The following SNX29 variants were observed in gnomAD, a reference collection of about 807,000 sequenced individuals.
SNX29 encodes sorting nexin 29.
SNX29 carries 78 observed loss-of-function variants against 102.1 expected under a neutral mutation model. The observed-to-expected ratio is 0.76, with a 90% CI of 0.64 to 0.92. The LOEUF (loss-of-function observed/expected upper bound fraction) is 0.92. SNX29 is among the 40% of genes least tolerant of loss of function. The pLI is 0.00. For missense variants in SNX29, 1,280 were observed against 1,061.7 expected (o/e 1.21, Z -2.86); for synonymous variants, 580 against 414.5 (o/e 1.40, Z -4.85).
At chr16:12,159,034 T>G (rs1449702836) in intron 13 of SNX29, among the ~76,000 whole-genome samples, 1 of 152,236 alleles carries the variant, frequency 6.6e-6, no homozygotes, top group Non-Finnish European at 1.5e-5. Flanking sequence ...CTTCTGGAAT[T>G]AATATGGTGT....
intron 10 of SNX29, among the ~76,000 whole-genome samples, chr16:12,070,632 A>G (rs1392242865): frequency 6.6e-6 from 1 of 151,708 alleles, no homozygotes; most frequent in East Asian, 1.9e-4. Context: ...GTGCCACAAT[A>G]AACATATGTG....
rs114401562 is a variant in SNX29, at chr16:12,531,256, T to C, written c.2318+6415T>C. Among the ~76,000 whole-genome samples the C allele has an allele frequency of 9.3e-3, 1,415 of 152,318 alleles. 16 individuals carry two copies. Among genetic ancestry groups the C allele is most frequent in the African/African-American group, 0.032 (1,325 of 41,584 alleles). ...CTGGAGAACAGGGCACTTGGCCCTA[T>C]GGTCAGGGCGCACTGGGACCTGGGG... On this transcript the variant is annotated intron_variant, in intron 20 of 20. Coordinates refer to ENST00000566228, the MANE Select transcript of SNX29 (RefSeq NM_032167.5).
chr16:12,109,053 G>C (rs1202825210), intron 11 of SNX29, among the ~76,000 whole-genome samples: 1 of 147,940 alleles, frequency 6.8e-6, no homozygotes, highest in East Asian at 2.0e-4. Flanking sequence ...ACTTGAACCT[G>C]GGGAGCAGAG....
At position 12,098,186 on chromosome 16, in the gene SNX29, A is replaced by C. The variant is rs1238378791; in HGVS notation, c.1402+19271A>C. 2.0e-5 allele frequency among the ~76,000 whole-genome samples: 3 copies of C among 151,702 alleles called. No individual in the cohort carries two copies. The highest frequency in any genetic ancestry group is 2.9e-5 in the Non-Finnish European group (2 of 67,922). Reference sequence around the variant, plus strand: ...AACCCTTCCCCTGCCCCCTCCTTCAACTCCTTTTCCTCCTCCTCTTCTCCC... The same window carrying C: ...AACCCTTCCCCTGCCCCCTCCTTCACCTCCTTTTCCTCCTCCTCTTCTCCC... On this transcript the variant is annotated intron_variant, in intron 11 of 20. Coordinates refer to ENST00000566228, the MANE Select transcript of SNX29 (RefSeq NM_032167.5). The surrounding 1 kb of genome is among the most constrained non-coding windows in gnomAD (Gnocchi z 6.0).
At chr16:12,059,820 T>C (rs1163718590) in intron 8 of SNX29, among the ~76,000 whole-genome samples, 2 of 152,322 alleles carry the variant, frequency 1.3e-5, no homozygotes, top group South Asian at 2.1e-4. Flanking sequence ...ATATAAGTAA[T>C]GTCACTTGTG....
intron 15 of SNX29, among the ~76,000 whole-genome samples, chr16:12,303,233 A>G (rs2080235170): frequency 6.6e-6 from 1 of 152,260 alleles, no homozygotes; most frequent in Admixed American, 6.5e-5. Flanking sequence ...ATTAAAACAT[A>G]GATGAATTTT....
intron 20 of SNX29, among the ~76,000 whole-genome samples, chr16:12,552,119 T>C (rs958274866): frequency 6.6e-6 from 1 of 152,184 alleles, no homozygotes; most frequent in Admixed American, 6.5e-5. Context: ...CCATGGCTGA[T>C]ACGGAAATGC....
chr16:12,546,046 G>T (rs767992126), intron 20 of SNX29, among the ~76,000 whole-genome samples: 1 of 152,202 alleles, frequency 6.6e-6, no homozygotes. Context: ...GAGTACACAT[G>T]ATGGGAGTGA....
intron 19 of SNX29, among the ~76,000 whole-genome samples, chr16:12,481,684 A>G (rs191648786): frequency 4.5e-4 from 69 of 151,842 alleles, no homozygotes; most frequent in African/African-American, 1.3e-3. Flanking sequence ...ATAGGCACCC[A>G]CCACCACACT....
intron 15 of SNX29, among the ~76,000 whole-genome samples, chr16:12,304,278 G>T (rs756522267): frequency 1.3e-5 from 2 of 151,976 alleles, no homozygotes; most frequent in Non-Finnish European, 2.9e-5. Flanking sequence ...TTTTGGTTCG[G>T]AACTTACTGT....
intron 3 of SNX29, among the ~76,000 whole-genome samples, chr16:12,019,492 A>C (rs2056951476): frequency 6.6e-6 from 1 of 151,998 alleles, no homozygotes; most frequent in South Asian, 2.1e-4. Flanking sequence ...AGAGTGAGCC[A>C]CCGCGCCTGG....
At chr16:12,168,029 A>G (rs1482986377) in intron 13 of SNX29, among the ~76,000 whole-genome samples, 1 of 152,204 alleles carries the variant, frequency 6.6e-6, no homozygotes, top group Non-Finnish European at 1.5e-5. Context: ...AAGGAAAGAC[A>G]AAATCACCAG....
intron 19 of SNX29, among the ~76,000 whole-genome samples, chr16:12,490,790 T>G (rs2088506375): frequency 6.6e-6 from 1 of 152,250 alleles, no homozygotes; most frequent in African/African-American, 2.4e-5. Context: ...AGGAAATGTT[T>G]CAGGTGTGCC....
intron 14 of SNX29, among the ~76,000 whole-genome samples, chr16:12,214,400 C>G (rs1004170021): frequency 6.6e-6 from 1 of 152,168 alleles, no homozygotes; most frequent in Non-Finnish European, 1.5e-5. Flanking sequence ...TTTTCAACTG[C>G]TTTCTGTCCT....
At chr16:12,378,325 G>A (rs1364538419) in intron 16 of SNX29, among the ~76,000 whole-genome samples, 1 of 152,110 alleles carries the variant, frequency 6.6e-6, no homozygotes, top group African/African-American at 2.4e-5. Flanking sequence ...GTGGGGAGGT[G>A]CCAGGTTCTT....
chr16:12,429,858 T>G (rs2085241276), intron 18 of SNX29, among the ~76,000 whole-genome samples: 1 of 152,198 alleles, frequency 6.6e-6, no homozygotes, highest in Non-Finnish European at 1.5e-5. Flanking sequence ...CATGGACTTT[T>G]GTAGTAGATG....
At chr16:12,105,051 G>A (rs11641260) in intron 11 of SNX29, among the ~76,000 whole-genome samples, 1,781 of 152,310 alleles carry the variant, frequency 0.012, 19 homozygotes, top group Non-Finnish European at 0.018. Context: ...GAAGGAGATT[G>A]AGGCTTACTT....
intron 20 of SNX29, among the ~76,000 whole-genome samples, chr16:12,564,807 CAG>C (rs1567214687): frequency 6.6e-6 from 1 of 151,706 alleles, no homozygotes; most frequent in Non-Finnish European, 1.5e-5. Context: ...GTTGTCATTC[CAG>C]AAGTCTCGGT....
At chr16:12,179,094 C>CTG (rs1313604547) in intron 13 of SNX29, among the ~76,000 whole-genome samples, 3 of 152,024 alleles carry the variant, frequency 2.0e-5, no homozygotes, top group Non-Finnish European at 4.4e-5. Flanking sequence ...GTTTGTGTGT[C>CTG]TGTGTGTGTG....
Sources: gnomAD v4.1 joint callset for allele counts (sites outside exome capture counted in the v4.1 genomes callset) on GRCh38, gnomAD v4.1.1 for gene constraint, Gnocchi (gnomAD v3.1) non-coding constraint, MANE v1.5 for transcripts, NCBI Gene and HGNC (gene_info 2026-07-23, HGNC 2026-07-21) for gene names.